Variants in CATSPERT observed in about 807,000 individuals in gnomAD.
The protein encoded by CATSPERT is cation channel sperm-associated targeting subunit tau.
the CATSPERT span, chr2:201,493,815 C>T: frequency 6.5e-6 from 10 of 1,536,086 alleles, no homozygotes; most frequent in Admixed American, 3.9e-5. Flanking sequence ...TTAAATGTTT[C>T]TTTTTGGTAC....
At chr2:201,554,159 T>C in the CATSPERT span, 7 of 152,332 alleles carry the variant, frequency 4.6e-5, no homozygotes, top group South Asian at 1.0e-3. Context: ...ACTACTAGTA[T>C]AATGGGATCA....
chr2:201,584,282 C>T, the CATSPERT span, among the ~76,000 whole-genome samples: 73 of 150,950 alleles, frequency 4.8e-4, 2 homozygotes, highest in South Asian at 0.014. Context: ...AGAGGGAGAC[C>T]CTGTCTCAAT....
chr2:201,538,294 A>G, the CATSPERT span, among the ~76,000 whole-genome samples: 2 of 152,064 alleles, frequency 1.3e-5, no homozygotes, highest in Non-Finnish European at 1.5e-5. Flanking sequence ...TATTTCACTT[A>G]GTATAATGTC....
the CATSPERT span, among the ~76,000 whole-genome samples, chr2:201,613,039 A>G: frequency 4.6e-5 from 7 of 152,224 alleles, no homozygotes; most frequent in African/African-American, 1.7e-4. Context: ...GAGTAGGTAA[A>G]CAAAGCAGCT....
the CATSPERT span, chr2:201,552,823 G>A: frequency 6.6e-6 from 1 of 152,080 alleles, no homozygotes; most frequent in African/African-American, 2.4e-5. Flanking sequence ...CCCAATTCAA[G>A]CTTATGATTC....
the CATSPERT span, chr2:201,534,748 C>T: frequency 6.6e-5 from 64 of 968,636 alleles, no homozygotes; most frequent in Non-Finnish European, 6.8e-5. Flanking sequence ...AGGAGATAAT[C>T]ACAGATCCAC....
chr2:201,612,417 T>C, the CATSPERT span, among the ~76,000 whole-genome samples: 7 of 151,828 alleles, frequency 4.6e-5, no homozygotes, highest in African/African-American at 1.7e-4. Context: ...CTACTAAAAA[T>C]ACAAAAATTC....
At chr2:201,534,066 ATC>A in the CATSPERT span, among the ~76,000 whole-genome samples, 1 of 151,964 alleles carries the variant, frequency 6.6e-6, no homozygotes, top group Non-Finnish European at 1.5e-5. Context: ...CTATCTATCT[ATC>A]TATCTATCTA....
the CATSPERT span, among the ~76,000 whole-genome samples, chr2:201,608,700 C>A: frequency 1.3e-5 from 2 of 151,734 alleles, no homozygotes; most frequent in Admixed American, 1.3e-4. Flanking sequence ...TCCTACAGTC[C>A]TAGCTACTCA....
chr2:201,493,936 G>T, the CATSPERT span: 1 of 1,536,974 alleles, frequency 6.5e-7, no homozygotes, highest in Non-Finnish European at 8.7e-7. Flanking sequence ...AAATGAATCT[G>T]CAGGAATATT....
At chr2:201,491,803 T>G in the CATSPERT span, 1 of 1,537,042 alleles carries the variant, frequency 6.5e-7, no homozygotes, top group Non-Finnish European at 8.7e-7. Flanking sequence ...AGCTTTTGAT[T>G]GAGTTATTTT....
At chr2:201,560,180 C>G in the CATSPERT span, among the ~76,000 whole-genome samples, 2 of 152,078 alleles carry the variant, frequency 1.3e-5, no homozygotes, top group Non-Finnish European at 2.9e-5. Context: ...GTAATCCCAG[C>G]ACTTTGGGAG....
At chr2:201,561,463 A>G in the CATSPERT span, among the ~76,000 whole-genome samples, 1 of 152,240 alleles carries the variant, frequency 6.6e-6, no homozygotes. Context: ...ACTCATAAGT[A>G]GATACAAATT....
At chr2:201,618,256 A>G in the CATSPERT span, among the ~76,000 whole-genome samples, 2 of 152,348 alleles carry the variant, frequency 1.3e-5, no homozygotes, top group South Asian at 4.1e-4. Context: ...AGTCACGTGC[A>G]CACATATGTT....
chr2:201,544,191 T>C, the CATSPERT span, among the ~76,000 whole-genome samples: 1 of 152,152 alleles, frequency 6.6e-6, no homozygotes, highest in Non-Finnish European at 1.5e-5. Context: ...CATGAACTCA[T>C]CCTTTTTTAT....
At chr2:201,588,324 CA>C in the CATSPERT span, among the ~76,000 whole-genome samples, 1 of 151,958 alleles carries the variant, frequency 6.6e-6, no homozygotes, top group Non-Finnish European at 1.5e-5. Flanking sequence ...CCTTGGGATG[CA>C]AGGTTGGTTT....
the CATSPERT span, among the ~76,000 whole-genome samples, chr2:201,541,172 A>G: frequency 1.3e-5 from 2 of 152,188 alleles, no homozygotes; most frequent in Non-Finnish European, 2.9e-5. Context: ...TGGTTTCTTG[A>G]GATGGAATCT....
At chr2:201,536,086 G>A in the CATSPERT span, 5 of 1,613,186 alleles carry the variant, frequency 3.1e-6, no homozygotes, top group Admixed American at 8.3e-5. Context: ...ACTTCTAATG[G>A]AAAAAATACA....
chr2:201,552,683 A>G, the CATSPERT span, among the ~76,000 whole-genome samples: 89 of 152,304 alleles, frequency 5.8e-4, no homozygotes, highest in Middle Eastern at 3.4e-3. Context: ...CTGCATGGGT[A>G]GGGGGTGGCA....
Sources: allele counts gnomAD v4.1 joint callset (sites outside exome capture counted in the v4.1 genomes callset), GRCh38; gene constraint gnomAD v4.1.1; transcripts MANE v1.5; gene names NCBI Gene and HGNC (gene_info 2026-07-23, HGNC 2026-07-21).